GRB14: variants seen among roughly 807,000 people sequenced by gnomAD.
The protein encoded by GRB14 is growth factor receptor-bound protein 14.
A neutral mutation model predicts 69.1 loss-of-function variants in GRB14; 38 were observed. The observed-to-expected ratio is 0.55, with a 90% CI of 0.42 to 0.72. The LOEUF is 0.72. GRB14 is among the 30% of genes least tolerant of loss of function. The probability of loss-of-function intolerance (pLI) is 0.00; values close to 1 mark genes in which losing one functional copy is unlikely to be tolerated. For synonymous variants in GRB14, 247 were observed against 241.3 expected, an observed-to-expected ratio of 1.02 and a Z score of -0.22; for missense variants, 666 against 666.1, an observed-to-expected ratio of 1.00 and a Z score of 0.00.
chr2:164,577,734 T>C (rs1006164118), intron 2 of GRB14, among the ~76,000 whole-genome samples: 1 of 152,218 alleles, frequency 6.6e-6, no homozygotes, highest in African/African-American at 2.4e-5. Context: ...GACAGACTCG[T>C]GTGTTCGTGT....
intron 9 of GRB14, among the ~76,000 whole-genome samples, chr2:164,500,359 A>G (rs938141018): frequency 3.3e-5 from 5 of 152,084 alleles, no homozygotes; most frequent in Admixed American, 6.6e-5. Context: ...CTCAAAATGT[A>G]TACCTGGAAA....
intron 2 of GRB14, among the ~76,000 whole-genome samples, chr2:164,555,894 G>A (rs1164685160): frequency 6.6e-6 from 1 of 151,698 alleles, no homozygotes; most frequent in African/African-American, 2.4e-5. Context: ...AATTATAAAA[G>A]AGCTTATAAT....
intron 13 of GRB14, among the ~76,000 whole-genome samples, 187 bp downstream of exon 13, chr2:164,494,244 A>ATATT (rs1553505019): frequency 6.6e-6 from 1 of 152,190 alleles, no homozygotes; most frequent in African/African-American, 2.4e-5. Flanking sequence ...TGTATTTCTT[A>ATATT]TATTAATTCA....
intron 2 of GRB14, among the ~76,000 whole-genome samples, chr2:164,563,765 T>G (rs536198333): frequency 2.0e-5 from 3 of 152,304 alleles, no homozygotes; most frequent in African/African-American, 7.2e-5. Context: ...TTTGGTTACA[T>G]GAAATTACAT....
chr2:164,557,745 C>T (rs1644953997), intron 2 of GRB14, among the ~76,000 whole-genome samples: 2 of 152,178 alleles, frequency 1.3e-5, no homozygotes, highest in African/African-American at 4.8e-5. Context: ...ATCATCTCCA[C>T]ACCAGCTCTG....
At chr2:164,574,303 G>A (rs1689194810) in intron 2 of GRB14, among the ~76,000 whole-genome samples, 1 of 149,240 alleles carries the variant, frequency 6.7e-6, no homozygotes, top group African/African-American at 2.5e-5. Context: ...ATGCAATGGT[G>A]CGATCTCAGC....
chr2:164,582,524 C>A (rs1394938318), intron 2 of GRB14, among the ~76,000 whole-genome samples: 1 of 151,648 alleles, frequency 6.6e-6, no homozygotes, highest in Non-Finnish European at 1.5e-5. Flanking sequence ...CAGGTTCAGG[C>A]AATTCTCTGC....
chr2:164,513,050 C>T (rs574173262), intron 6 of GRB14, among the ~76,000 whole-genome samples: 48 of 152,336 alleles, frequency 3.2e-4, no homozygotes, highest in Middle Eastern at 3.4e-3. Flanking sequence ...ATCAGCCACA[C>T]AAATCTGGCC....
intron 2 of GRB14, among the ~76,000 whole-genome samples, chr2:164,600,137 T>C (rs1689878872): frequency 6.6e-6 from 1 of 152,184 alleles, no homozygotes; most frequent in Non-Finnish European, 1.5e-5. Context: ...CTCTGCTGTA[T>C]GGATTTGGAA....
chr2:164,569,495 G>T (rs745494626), intron 2 of GRB14, among the ~76,000 whole-genome samples: 14 of 152,144 alleles, frequency 9.2e-5, no homozygotes, highest in Non-Finnish European at 1.5e-4. Flanking sequence ...TGCCTTCAGC[G>T]GGAGAAGAAC....
chr2:164,619,203 C>A (rs767744264), intron 2 of GRB14, among the ~76,000 whole-genome samples: 2 of 152,104 alleles, frequency 1.3e-5, no homozygotes, highest in Non-Finnish European at 2.9e-5. Flanking sequence ...ACATGTTGAC[C>A]CTAAATTCTA....
At chr2:164,577,251 C>T (rs1221536660) in intron 2 of GRB14, among the ~76,000 whole-genome samples, 1 of 152,132 alleles carries the variant, frequency 6.6e-6, no homozygotes. Context: ...ACAATTGTAG[C>T]CAAGAAAGGC....
At chr2:164,576,201 C>G (rs931520726) in intron 2 of GRB14, among the ~76,000 whole-genome samples, 8 of 150,700 alleles carry the variant, frequency 5.3e-5, no homozygotes, top group African/African-American at 2.0e-4. Context: ...AAAGCAAACT[C>G]TAAAATAGGT....
chr2:164,549,656 A>C (rs1042966210), intron 2 of GRB14, among the ~76,000 whole-genome samples: 1 of 152,046 alleles, frequency 6.6e-6, no homozygotes, highest in Non-Finnish European at 1.5e-5. Context: ...TGAGGTCAGG[A>C]GTTCAAGACC....
intron 2 of GRB14, among the ~76,000 whole-genome samples, chr2:164,599,307 TC>T (rs1442563503): frequency 6.4e-5 from 4 of 62,208 alleles, no homozygotes; most frequent in Non-Finnish European, 1.1e-4. Context: ...TGCCAAAGTA[TC>T]GTATGGGTAA....
chr2:164,527,338 A>G (rs1274158000), intron 3 of GRB14, among the ~76,000 whole-genome samples: 1 of 151,230 alleles, frequency 6.6e-6, no homozygotes, highest in Non-Finnish European at 1.5e-5. Context: ...ATTTTCAATT[A>G]CTAATGTTCA....
chr2:164,522,141 C>A, intron 5 of GRB14, 24 bp from the exon 6 acceptor site: 1 of 1,381,582 alleles, frequency 7.2e-7, no homozygotes, highest in South Asian at 1.2e-5. Context: ...TATATATTTT[C>A]AAACTATGAT....
chr2:164,521,880 T>G lies in GRB14; in HGVS notation c.816+100A>C, dbSNP rs1234445616. The G allele has an allele frequency of 2.3e-5, 25 of 1,096,146 alleles. 1 individual carries two copies. The South Asian group carries it at 3.6e-4, about 16-fold the overall frequency. 67.9% of individuals were successfully genotyped at this position (1,096,146 alleles called of 1,614,324 possible). A position where few individuals can be genotyped will look rare whatever the true frequency, so the allele number is the denominator to read the frequency against. ...AATCAAGAAAATCAAAGACCAACCT[T>G]TGACATCAAGTAATAAAGTAATAAA... On this transcript the variant is annotated intron_variant, in intron 6 of 13. Coordinates refer to ENST00000263915, the MANE Select transcript of GRB14 (RefSeq NM_004490.3).
At chr2:164,574,071 T>C (rs1689185570) in intron 2 of GRB14, 2 of 998,434 alleles carry the variant, frequency 2.0e-6, no homozygotes, top group African/African-American at 1.6e-5. Flanking sequence ...AGAGGTAAAT[T>C]CAGAAACTCT....
Sources: allele counts gnomAD v4.1 joint callset (sites outside exome capture counted in the v4.1 genomes callset), GRCh38; gene constraint gnomAD v4.1.1; transcripts MANE v1.5; gene names NCBI Gene and HGNC (gene_info 2026-07-23, HGNC 2026-07-21).